DNAH11: variants seen among roughly 807,000 people sequenced by gnomAD.
DNAH11 encodes the protein axonemal beta dynein heavy chain 11.
In DNAH11, 442 loss-of-function variants were observed where a neutral mutation model predicts 526.0. The observed-to-expected ratio is 0.84, with a 90% confidence interval of 0.78 to 0.91. The LOEUF (loss-of-function observed/expected upper bound fraction) is 0.91, where lower values mean the gene tolerates loss of function less well. Among genes scored for constraint, DNAH11 ranks in the 40% least tolerant of loss-of-function variants. The probability of loss-of-function intolerance (pLI) is 0.00; values close to 1 mark genes in which losing one functional copy is unlikely to be tolerated. For synonymous variants in DNAH11, 2,461 were observed against 1,935.9 expected (o/e 1.27, Z -7.12); for missense variants, 6,989 against 5,448.7 (o/e 1.28, Z -8.90).
rs570455593 is a variant in DNAH11 at position 21,557,009 on chromosome 7, C to T, written c.496-1793C>T. On this transcript the variant is annotated intron_variant, in intron 2 of 81. Transcript: ENST00000409508. The stretch of plus-strand genomic sequence containing the variant: ...CCAGGAGACATGGAGGATGGAGTGA[C>T]CCGAGATCTTGCCACTGCACTTCAG... Among the ~76,000 whole-genome samples the T allele has an allele frequency of 3.0e-4, 45 of 151,892 alleles. 2 individuals are homozygous for T. The South Asian group carries it at 9.2e-3, about 31-fold the overall frequency.
At chr7:21,844,107 TAATAA>T (rs1782323731) in intron 66 of DNAH11, among the ~76,000 whole-genome samples, 1 of 152,172 alleles carries the variant, frequency 6.6e-6, no homozygotes, top group South Asian at 2.1e-4. Flanking sequence ...CTCTTTTGGT[TAATAA>T]AATTTATTAA....
chr7:21,642,341 T>C (rs951130071), intron 28 of DNAH11, among the ~76,000 whole-genome samples: 7 of 152,282 alleles, frequency 4.6e-5, no homozygotes, highest in Admixed American at 3.3e-4. Flanking sequence ...ATTTGAGTCA[T>C]CTAGAGCCAT....
Position 21,570,964 on chromosome 7 carries a change from TG to T in DNAH11, c.1425+666del, listed in dbSNP as rs1783863263. Among the ~76,000 whole-genome samples, 3 of 152,184 alleles carry T rather than the reference TG, an allele frequency of 2.0e-5. No individual in the cohort carries two copies. In the South Asian group the frequency reaches 6.2e-4, roughly 32 times the overall value. Reference sequence around the variant, plus strand: ...CTCTAAGAATTTTGGGCATTGTCATTGATAAAGGTTTGTTTTATTCCATTCA... The same window carrying T: ...CTCTAAGAATTTTGGGCATTGTCATTATAAAGGTTTGTTTTATTCCATTCA... On this transcript the variant is annotated intron_variant, in intron 7 of 81. Transcript: ENST00000409508.
chr7:21,774,739 C>G (rs1583681379), intron 56 of DNAH11, among the ~76,000 whole-genome samples: 2 of 152,254 alleles, frequency 1.3e-5, no homozygotes, highest in Non-Finnish European at 2.9e-5. Context: ...GTCCATGGCA[C>G]TGTGCTGCCT....
At chr7:21,707,574 G>T in intron 39 of DNAH11, 125 bp from the exon 40 acceptor site, 2 of 1,206,838 alleles carry the variant, frequency 1.7e-6, no homozygotes, top group Non-Finnish European at 2.2e-6. Flanking sequence ...TCCCCTTCTC[G>T]ATCTTAGCAC....
chr7:21,601,710 T>G (rs1785099880), intron 18 of DNAH11, 92 bp downstream of exon 18: 1 of 955,886 alleles, frequency 1.0e-6, no homozygotes, highest in African/African-American at 1.6e-5. Flanking sequence ...GATGTCCTTA[T>G]AACAATCTAT....
intron 61 of DNAH11, among the ~76,000 whole-genome samples, chr7:21,799,265 C>CAGAA (rs1788856189): frequency 6.6e-6 from 1 of 152,134 alleles, no homozygotes; most frequent in Non-Finnish European, 1.5e-5. Context: ...CCTTCGTGTG[C>CAGAA]TTCTGTGCTT....
At chr7:21,797,399 A>G (rs189175076) in intron 61 of DNAH11, among the ~76,000 whole-genome samples, 1,840 of 151,544 alleles carry the variant, frequency 0.012, 86 homozygotes, top group African/African-American at 0.042. Context: ...TTGTATTTTT[A>G]GTAGAGACGG....
At chr7:21,610,061 TG>T (rs1208615076) in intron 20 of DNAH11, among the ~76,000 whole-genome samples, 1 of 152,144 alleles carries the variant, frequency 6.6e-6, no homozygotes, top group African/African-American at 2.4e-5. Context: ...GAGACCATCC[TG>T]GCTAACACAG....
chr7:21,717,215 CA>C (rs1784701005), intron 42 of DNAH11, among the ~76,000 whole-genome samples: 1 of 151,996 alleles, frequency 6.6e-6, no homozygotes, highest in Non-Finnish European at 1.5e-5. Flanking sequence ...CACACACACA[CA>C]CACACCCCAG....
Position 21,683,898 on chromosome 7 carries a change from T to G in DNAH11, c.5575T>G (p.Tyr1859Asp). Residue 1859 changes from tyrosine (Y) to aspartate (D), a missense_variant, in exon 32 of 82, where the codon TAC (tyrosine) becomes GAC (aspartate). Coordinates refer to ENST00000409508, the MANE Select transcript of DNAH11 (RefSeq NM_001277115.2). The stretch of plus-strand genomic sequence containing the variant: ...TGCCCAGTTCCAGTACTTCTATGAA[T>G]ACTTAGGAAACAGCCCTCGACTAGT... ...CDAQFQYFYE[Y>D]LGNSPRLVIT... 6.2e-7 allele frequency: 1 copy of G among 1,613,816 alleles called. No homozygotes were observed. Among genetic ancestry groups the G allele is most frequent in the Middle Eastern group, 1.7e-4 (1 of 6,060 alleles).
At chr7:21,765,658 A>ACACACT (rs1442413256) in intron 55 of DNAH11, 69 bp downstream of exon 55, 9 of 1,362,766 alleles carry the variant, frequency 6.6e-6, no homozygotes, top group South Asian at 4.7e-5. Context: ...ACACACACAC[A>ACACACT]CTCTGAAAAT....
At position 21,899,444 on chromosome 7, in the gene DNAH11, A is replaced by G; in HGVS notation, c.13158A>G (p.Leu4386=). The G allele has an allele frequency of 6.2e-7, 1 of 1,612,876 alleles. No individual in the cohort carries two copies. The highest frequency in any genetic ancestry group is 8.5e-7 in the Non-Finnish European group (1 of 1,179,006). The change falls in exon 80 of 82, where the codon TTA becomes TTG. Residue 4386 remains leucine, a synonymous_variant. Coordinates refer to ENST00000409508, the MANE Select transcript of DNAH11 (RefSeq NM_001277115.2). ...LSGFFNPQSF[L]TAIMQTMARK... The stretch of plus-strand genomic sequence containing the variant: ...GCTTCTTCAACCCTCAGTCCTTCTT[A>G]ACTGGTAAGGGCTGACGCAGTGCAG...
At chr7:21,775,615 CAAAAA>C (rs11325043) in intron 56 of DNAH11, among the ~76,000 whole-genome samples, 1 of 148,192 alleles carries the variant, frequency 6.7e-6, no homozygotes, top group Non-Finnish European at 1.5e-5. Flanking sequence ...GACCCTGTCT[CAAAAA>C]AAAAAAACAA....
intron 57 of DNAH11, among the ~76,000 whole-genome samples, chr7:21,780,813 A>G (rs1422595995): frequency 6.6e-6 from 1 of 152,182 alleles, no homozygotes; most frequent in Admixed American, 6.5e-5. Flanking sequence ...ATTAACATCT[A>G]TTTTGTCACC....
Position 21,901,077 on chromosome 7 carries a change from G to A in DNAH11, c.13374G>A (p.Pro4458=), listed in dbSNP as rs201444942. The A allele has an allele frequency of 3.7e-4, 598 of 1,613,806 alleles. 1 individual carries two copies. Among genetic ancestry groups the A allele is most frequent in the South Asian group, 1.6e-4 (15 of 91,070 alleles). Residue 4458 remains proline (P), a synonymous_variant, in exon 82 of 82, where the codon CCG becomes CCA. Transcript: ENST00000409508. Reference sequence around the variant, plus strand: ...TCAAGGAGCTGGCATGCCCTATGCCGGTCATCTTTGCAAAAGCCACCCCCG... The same window carrying A: ...TCAAGGAGCTGGCATGCCCTATGCCAGTCATCTTTGCAAAAGCCACCCCCG... The part of the protein sequence containing the change: ...ARLKELACPM[P]VIFAKATPVD...
Position 21,705,501 on chromosome 7 carries a change from CTT to C in DNAH11, c.6512_6513del (p.Phe2171CysfsTer11). 1 of 1,613,636 alleles carries C rather than the reference CTT, an allele frequency of 6.2e-7. No individual in the cohort carries two copies. ...AACTGTTGGCTGTGCGGCACTCGGT[CTT>C]TGTAGTTGGAAATGCAGGCACAGGA... ...EELLAVRHSV[F>X]VVGNAGTGKS... On this transcript the variant is annotated frameshift_variant, in exon 39 of 82. Coordinates refer to ENST00000409508, the MANE Select transcript of DNAH11 (RefSeq NM_001277115.2). LOFTEE classifies it high-confidence loss of function.
At chr7:21,693,865 G>A (rs1004757896) in intron 35 of DNAH11, among the ~76,000 whole-genome samples, 1 of 152,148 alleles carries the variant, frequency 6.6e-6, no homozygotes, top group Non-Finnish European at 1.5e-5. Context: ...AGGAAGCATG[G>A]CTAGGAGGCC....
intron 65 of DNAH11, 60 bp downstream of exon 65, chr7:21,818,399 C>A: frequency 6.4e-7 from 1 of 1,550,884 alleles, no homozygotes; most frequent in Non-Finnish European, 8.8e-7. Context: ...GCAGCAGCAT[C>A]TCTTAGCTTC....
Sources: allele counts gnomAD v4.1 joint callset (sites outside exome capture counted in the v4.1 genomes callset), GRCh38; gene constraint gnomAD v4.1.1; transcripts MANE v1.5; gene names NCBI Gene and HGNC (gene_info 2026-07-23, HGNC 2026-07-21).